Variants in NEGR1 observed in about 807,000 individuals in gnomAD.
NEGR1 encodes neuronal growth regulator 1.
In NEGR1, 10 loss-of-function variants were observed where a neutral mutation model predicts 40.9. The ratio of observed to expected loss-of-function variants is 0.24; its 90% CI spans 0.15 to 0.42. The LOEUF (loss-of-function observed/expected upper bound fraction) is 0.42, where lower values mean the gene tolerates loss of function less well. Among genes scored for constraint, NEGR1 ranks in the 10% least tolerant of loss-of-function variants. The probability of loss-of-function intolerance (pLI) is 1.00; values close to 1 mark genes in which losing one functional copy is unlikely to be tolerated. For missense variants in NEGR1, 352 were observed against 438.9 expected (o/e 0.80, Z 1.77); for synonymous variants, 185 against 166.8 (o/e 1.11, Z -0.84).
intron 3 of NEGR1, among the ~76,000 whole-genome samples, chr1:71,753,569 A>C (rs781299531): frequency 2.3e-4 from 35 of 152,064 alleles, no homozygotes; most frequent in Non-Finnish European, 5.0e-4. Flanking sequence ...TCTTTCCATC[A>C]TTTGCTATAG....
intron 1 of NEGR1, among the ~76,000 whole-genome samples, chr1:72,027,699 AC>A (rs1448968085): frequency 6.6e-6 from 1 of 152,270 alleles, no homozygotes; most frequent in Non-Finnish European, 1.5e-5. Flanking sequence ...TTCAGCTGCC[AC>A]AAATATGCTG....
At chr1:72,157,029 C>T (rs1485963444) in intron 1 of NEGR1, among the ~76,000 whole-genome samples, 5 of 152,054 alleles carry the variant, frequency 3.3e-5, no homozygotes, top group Non-Finnish European at 5.9e-5. Context: ...GTGGTACAAT[C>T]CTAGCTCATA....
chr1:71,574,684 A>G (rs1648907005), intron 6 of NEGR1, among the ~76,000 whole-genome samples: 2 of 152,312 alleles, frequency 1.3e-5, no homozygotes, highest in South Asian at 4.1e-4. Flanking sequence ...TACAAGATAC[A>G]GCACATATCA....
intron 1 of NEGR1, among the ~76,000 whole-genome samples, chr1:72,038,977 A>C (rs1646928812): frequency 6.6e-6 from 1 of 152,012 alleles, no homozygotes; most frequent in African/African-American, 2.4e-5. Context: ...GAGTACATGA[A>C]AAAGAAAATT....
chr1:71,995,093 G>C (rs1243505652), intron 1 of NEGR1, among the ~76,000 whole-genome samples: 1 of 151,520 alleles, frequency 6.6e-6, no homozygotes, highest in Non-Finnish European at 1.5e-5. Flanking sequence ...TCTTTCGTGA[G>C]CTCAATGTAT....
intron 6 of NEGR1, chr1:71,486,834 A>C (rs903906561): frequency 1.3e-5 from 2 of 151,582 alleles, no homozygotes; most frequent in African/African-American, 4.8e-5. Context: ...ACTGTAAATA[A>C]TACCTAACAA....
At chr1:71,511,849 C>G (rs971586580) in intron 6 of NEGR1, among the ~76,000 whole-genome samples, 1 of 152,120 alleles carries the variant, frequency 6.6e-6, no homozygotes, top group Non-Finnish European at 1.5e-5. Flanking sequence ...TAATGAGGCC[C>G]ATCTTTCTTT....
rs1372210702 is a variant in NEGR1 at position 71,806,898 on chromosome 1, G to GT, written c.410-30602dup. 7.4e-5 allele frequency among the ~76,000 whole-genome samples: 10 copies of GT among 135,766 alleles called. 1 individual carries two copies. The highest frequency in any genetic ancestry group is 2.9e-4 in the African/African-American group (10 of 34,324). The allele number at this position is 135,766 out of a possible 152,430, so 89.1% of individuals were successfully genotyped here. ...CAAACATGTCGATCTGTTTTTTTTT[G>GT]TTTTTTTTTTTTGAGATGGAGTCTC... On this transcript the variant is annotated intron_variant, in intron 2 of 6. Coordinates refer to ENST00000357731, the MANE Select transcript of NEGR1 (RefSeq NM_173808.3).
intron 1 of NEGR1, among the ~76,000 whole-genome samples, chr1:72,261,683 A>G (rs1386802140): frequency 6.6e-6 from 1 of 152,104 alleles, no homozygotes; most frequent in Non-Finnish European, 1.5e-5. Flanking sequence ...GATACTACTC[A>G]GCCACAGAAA....
chr1:71,946,425 T>A (rs1010046942), intron 1 of NEGR1, among the ~76,000 whole-genome samples: 1 of 152,128 alleles, frequency 6.6e-6, no homozygotes, highest in African/African-American at 2.4e-5. Flanking sequence ...AACCTATAAT[T>A]TCTTACTACT....
chr1:71,754,862 A>G (rs937728398), intron 3 of NEGR1, among the ~76,000 whole-genome samples: 1 of 152,114 alleles, frequency 6.6e-6, no homozygotes, highest in Non-Finnish European at 1.5e-5. Context: ...TTCATCTGTC[A>G]CACTGGAAAC....
At chr1:72,264,199 A>T (rs1655562148) in intron 1 of NEGR1, among the ~76,000 whole-genome samples, 1 of 151,386 alleles carries the variant, frequency 6.6e-6, no homozygotes, top group Non-Finnish European at 1.5e-5. Context: ...GTTCCAATCC[A>T]AGCTTTGATG....
At chr1:71,888,373 G>A (rs1270938340) in intron 2 of NEGR1, among the ~76,000 whole-genome samples, 2 of 152,134 alleles carry the variant, frequency 1.3e-5, no homozygotes, top group Non-Finnish European at 2.9e-5. Flanking sequence ...CCGTGCGCGA[G>A]CCTAAGCAGG....
intron 6 of NEGR1, among the ~76,000 whole-genome samples, chr1:71,501,122 G>A (rs1646996341): frequency 6.6e-6 from 1 of 152,004 alleles, no homozygotes; most frequent in Non-Finnish European, 1.5e-5. Flanking sequence ...ATATCAGATT[G>A]TCAATGTATC....
chr1:71,641,420 C>T (rs1275951244), intron 4 of NEGR1, among the ~76,000 whole-genome samples: 2 of 151,954 alleles, frequency 1.3e-5, no homozygotes, highest in African/African-American at 4.8e-5. Context: ...ATTTTGTGTA[C>T]AGAAAAAACA....
At chr1:71,555,768 C>G (rs1350152231) in intron 6 of NEGR1, among the ~76,000 whole-genome samples, 1 of 151,456 alleles carries the variant, frequency 6.6e-6, no homozygotes, top group Non-Finnish European at 1.5e-5. Context: ...TTTGATACCC[C>G]TTTTTCGTTT....
intron 1 of NEGR1, among the ~76,000 whole-genome samples, chr1:72,044,721 C>T (rs1031235202): frequency 1.3e-5 from 2 of 151,750 alleles, no homozygotes; most frequent in African/African-American, 4.8e-5. Context: ...GAAGTGTTCA[C>T]CTTACTTTGG....
intron 1 of NEGR1, among the ~76,000 whole-genome samples, chr1:71,975,719 G>A (rs1646296469): frequency 1.3e-5 from 2 of 152,152 alleles, no homozygotes; most frequent in African/African-American, 2.4e-5. Flanking sequence ...AGCTGCAGAT[G>A]TGCTAGCTAT....
chr1:72,215,296 T>C (rs1055724003), intron 1 of NEGR1, among the ~76,000 whole-genome samples: 1 of 152,016 alleles, frequency 6.6e-6, no homozygotes, highest in African/African-American at 2.4e-5. Flanking sequence ...ATTCAGGACA[T>C]AGGCACGGGC....
Sources: gnomAD v4.1 joint callset for allele counts (sites outside exome capture counted in the v4.1 genomes callset) on GRCh38, gnomAD v4.1.1 for gene constraint, MANE v1.5 for transcripts, NCBI Gene and HGNC (gene_info 2026-07-23, HGNC 2026-07-21) for gene names.